Variants in LOC400499 observed in about 807,000 individuals in gnomAD.
chr16:11,463,551 C>T, the LOC400499 span, among the ~76,000 whole-genome samples: 5 of 151,842 alleles, frequency 3.3e-5, no homozygotes, highest in Admixed American at 1.3e-4. Flanking sequence ...CATGTATGGA[C>T]GTGTGTGTGA....
the LOC400499 span, among the ~76,000 whole-genome samples, chr16:11,424,669 CAG>C: frequency 6.6e-6 from 1 of 152,198 alleles, no homozygotes; most frequent in African/African-American, 2.4e-5. Context: ...CAGAGGGAAA[CAG>C]GGGTCTGATT....
chr16:11,432,513 T>TA, the LOC400499 span, among the ~76,000 whole-genome samples: 1 of 152,216 alleles, frequency 6.6e-6, no homozygotes, highest in Non-Finnish European at 1.5e-5. Flanking sequence ...TAGCAGTACC[T>TA]AAAGCATAGG....
At chr16:11,462,163 G>A in the LOC400499 span, 6 of 1,532,850 alleles carry the variant, frequency 3.9e-6, no homozygotes, top group South Asian at 1.2e-5. Context: ...GCGATGCGGA[G>A]AAGGCCAGCT....
chr16:11,430,315 G>T, the LOC400499 span, among the ~76,000 whole-genome samples: 1 of 151,866 alleles, frequency 6.6e-6, no homozygotes, highest in Non-Finnish European at 1.5e-5. Flanking sequence ...GTGAAACCCC[G>T]TCTCTATTAA....
chr16:11,480,816 T>C, the LOC400499 span, among the ~76,000 whole-genome samples: 2 of 152,150 alleles, frequency 1.3e-5, no homozygotes, highest in Non-Finnish European at 2.9e-5. Flanking sequence ...TGGAATACTA[T>C]GCAGCTATGA....
the LOC400499 span, chr16:11,372,559 T>A: frequency 6.1e-6 from 1 of 162,996 alleles, no homozygotes; most frequent in African/African-American, 2.4e-5. Flanking sequence ...TTGAGCCCAG[T>A]GGCAATGAGC....
At chr16:11,460,995 G>A in the LOC400499 span, 82 of 1,535,764 alleles carry the variant, frequency 5.3e-5, no homozygotes, top group Non-Finnish European at 7.0e-5. Flanking sequence ...TCAGGGAGTT[G>A]GTCCAGAGCT....
At chr16:11,479,893 T>C in the LOC400499 span, among the ~76,000 whole-genome samples, 2 of 152,236 alleles carry the variant, frequency 1.3e-5, no homozygotes, top group African/African-American at 2.4e-5. Context: ...CCCTGGTCTC[T>C]GGTTCATGGC....
chr16:11,443,050 G>C, the LOC400499 span, among the ~76,000 whole-genome samples: 2 of 152,126 alleles, frequency 1.3e-5, no homozygotes, highest in African/African-American at 4.8e-5. Context: ...ATGGCCGGGC[G>C]TGGTGGTTCA....
At chr16:11,424,271 C>T in the LOC400499 span, 1 of 399,236 alleles carries the variant, frequency 2.5e-6, no homozygotes, top group Non-Finnish European at 4.4e-6. Flanking sequence ...CCGCGTTCCA[C>T]AGCGCCAGGC....
the LOC400499 span, among the ~76,000 whole-genome samples, chr16:11,423,723 G>C: frequency 2.0e-5 from 3 of 152,222 alleles, no homozygotes; most frequent in Non-Finnish European, 2.9e-5. Flanking sequence ...ACAATAAAGA[G>C]GACAGCTGCG....
At chr16:11,445,387 C>T in the LOC400499 span, among the ~76,000 whole-genome samples, 1 of 151,800 alleles carries the variant, frequency 6.6e-6, no homozygotes, top group African/African-American at 2.4e-5. Context: ...CACCACTACA[C>T]TCCGGCTTGA....
At chr16:11,499,019 G>A in the LOC400499 span, among the ~76,000 whole-genome samples, 30 of 121,052 alleles carry the variant, frequency 2.5e-4, no homozygotes, top group Non-Finnish European at 4.8e-4. Flanking sequence ...TACTGCACAT[G>A]AATCGAACAT....
At chr16:11,508,796 C>G in the LOC400499 span, 1 of 399,002 alleles carries the variant, frequency 2.5e-6, no homozygotes, top group Non-Finnish European at 4.4e-6. Context: ...GATGGTGTCT[C>G]CTCCCACTCA....
chr16:11,489,154 C>G, the LOC400499 span, among the ~76,000 whole-genome samples: 1 of 152,208 alleles, frequency 6.6e-6, no homozygotes, highest in Admixed American at 6.5e-5. Flanking sequence ...AGTCTGAATC[C>G]AGTCCCAAAG....
the LOC400499 span, chr16:11,423,232 G>C: frequency 4.8e-5 from 19 of 399,118 alleles, no homozygotes; most frequent in African/African-American, 3.3e-4. Context: ...AGCTGGGTGG[G>C]CGAGGCGTCT....
chr16:11,460,579 G>T, the LOC400499 span: 1 of 1,535,068 alleles, frequency 6.5e-7, no homozygotes, highest in East Asian at 2.4e-5. Context: ...TCTGGCTGGT[G>T]CTGCACTCGT....
At chr16:11,524,458 C>T in the LOC400499 span, among the ~76,000 whole-genome samples, 1 of 150,148 alleles carries the variant, frequency 6.7e-6, no homozygotes, top group Admixed American at 6.7e-5. Context: ...CCCAGGCACT[C>T]TGGCTCCAGA....
the LOC400499 span, chr16:11,387,364 G>C: frequency 8.5e-7 from 1 of 1,180,880 alleles, no homozygotes; most frequent in African/African-American, 1.6e-5. Context: ...GCAGAGGGGA[G>C]CTTCTAGGTC....
Sources: gnomAD v4.1 joint callset for allele counts (sites outside exome capture counted in the v4.1 genomes callset) on GRCh38, gnomAD v4.1.1 for gene constraint, MANE v1.5 for transcripts.